Variants in BICDL1 observed in about 807,000 individuals in gnomAD.
BICDL1 encodes BICD family-like cargo adapter 1.
A neutral mutation model predicts 76.8 loss-of-function variants in BICDL1; 20 were observed. That is an observed-to-expected ratio of 0.26 (90% CI 0.18 to 0.38). The LOEUF (loss-of-function observed/expected upper bound fraction) is 0.38, where lower values mean the gene tolerates loss of function less well. Ranked by LOEUF, BICDL1 falls within the 10% of genes least tolerant of loss-of-function variation. The pLI is 1.00. For synonymous variants in BICDL1, 383 were observed against 337.1 expected, an observed-to-expected ratio of 1.14 and a Z score of -1.49; for missense variants, 700 against 798.6, an observed-to-expected ratio of 0.88 and a Z score of 1.49.
intron 2 of BICDL1, among the ~76,000 whole-genome samples, chr12:120,016,796 C>T (rs556151341): frequency 4.0e-5 from 6 of 151,572 alleles, no homozygotes; most frequent in South Asian, 2.1e-4. Context: ...ACCAACAATG[C>T]GTGAGAGTTC....
chr12:120,083,309 T>C (rs1874136315), intron 8 of BICDL1, among the ~76,000 whole-genome samples: 1 of 152,098 alleles, frequency 6.6e-6, no homozygotes, highest in Non-Finnish European at 1.5e-5. Flanking sequence ...CAGGCTGTAG[T>C]ATAGTGGCCC....
At chr12:119,996,327 G>A (rs1951644666) in intron 1 of BICDL1, among the ~76,000 whole-genome samples, 1 of 152,118 alleles carries the variant, frequency 6.6e-6, no homozygotes, top group Non-Finnish European at 1.5e-5. Flanking sequence ...TGGGGTTAAT[G>A]ACTTTCAGAA....
intron 1 of BICDL1, among the ~76,000 whole-genome samples, chr12:119,994,051 A>G (rs1043498497): frequency 2.6e-5 from 4 of 152,236 alleles, no homozygotes; most frequent in African/African-American, 7.2e-5. Context: ...ACTTGTATTT[A>G]TACACCTTTT....
rs1233227681 is a variant in BICDL1, at chr12:119,998,598, G to A, written c.507G>A (p.Glu169=). The A allele has an allele frequency of 2.5e-6, 4 of 1,614,020 alleles. No individual in the cohort carries two copies. The highest frequency in any genetic ancestry group is 8.5e-7 in the Non-Finnish European group (1 of 1,180,032). Residue 169 remains glutamate, a synonymous_variant, in exon 2 of 10, where the codon GAG becomes GAA. Transcript: ENST00000548673. ...REGEWEGRVS[E]LESDVKQLQD... ...GGGAGTGGGAAGGCCGAGTGTCAGA[G>A]CTGGAGAGTGATGTGAAGCAGCTAC...
intron 2 of BICDL1, among the ~76,000 whole-genome samples, chr12:120,024,154 G>A (rs146854058): frequency 2.6e-5 from 4 of 151,718 alleles, no homozygotes; most frequent in Non-Finnish European, 4.4e-5. Context: ...GGTGGTGCAC[G>A]CTTGTAATCC....
rs1326571186 is a variant in BICDL1 at position 120,070,716 on chromosome 12, G to A, written c.910-906G>A. On this transcript the variant is annotated intron_variant, in intron 4 of 9. Transcript: ENST00000548673. ...AGATTAAAATGGGCCTACATAGTGC[G>A]ATTGGTTGGTATAACTCTTTTTTTT... Among the ~76,000 whole-genome samples the A allele has an allele frequency of 5.9e-5, 9 of 151,416 alleles. No homozygotes were observed. The East Asian group carries it at 1.7e-3, about 29-fold the overall frequency.
Position 120,074,592 on chromosome 12 carries a change from C to T in BICDL1, c.1452+6C>T. 8.2e-7 allele frequency: 1 copy of T among 1,214,034 alleles called. No homozygotes were observed. Among genetic ancestry groups the T allele is most frequent in the Non-Finnish European group, 1.1e-6 (1 of 952,016 alleles). The allele number at this position is 1,214,034 out of a possible 1,614,324, so 75.2% of individuals were successfully genotyped here. A position where few individuals can be genotyped will look rare whatever the true frequency, so the allele number is the denominator to read the frequency against. On this transcript the variant is annotated splice_donor_region_variant and intron_variant, in intron 7 of 9. Coordinates refer to ENST00000548673, the MANE Select transcript of BICDL1 (RefSeq NM_001367886.1). Reference sequence around the variant, plus strand: ...TGCAGCGACTCCACAGTCAGGTGAGCACCCCAACCTTCAGTTCAGTGCAGG... The same window carrying T: ...TGCAGCGACTCCACAGTCAGGTGAGTACCCCAACCTTCAGTTCAGTGCAGG...
chr12:119,994,508 G>T (rs1234116004), intron 1 of BICDL1, among the ~76,000 whole-genome samples: 2 of 148,310 alleles, frequency 1.3e-5, no homozygotes, highest in Non-Finnish European at 3.0e-5. Flanking sequence ...TTTTTTTTTC[G>T]AGACGGAGTC....
chr12:120,020,820 G>T (rs545675074), intron 2 of BICDL1, among the ~76,000 whole-genome samples: 56 of 152,308 alleles, frequency 3.7e-4, no homozygotes, highest in Middle Eastern at 3.4e-3. Flanking sequence ...CATCATGAAT[G>T]GTGGGGACAA....
chr12:119,990,112 T>TA lies in BICDL1; in HGVS notation c.244_245insA (p.Ser82TyrfsTer37). 6.5e-7 allele frequency: 1 copy of TA among 1,548,922 alleles called. No individual in the cohort carries two copies. Among genetic ancestry groups the TA allele is most frequent in the Non-Finnish European group, 8.7e-7 (1 of 1,146,678 alleles). On this transcript the variant is annotated frameshift_variant, in exon 1 of 10. Coordinates refer to ENST00000548673, the MANE Select transcript of BICDL1 (RefSeq NM_001367886.1). LOFTEE classifies it high-confidence loss of function. ...GGAACACCCTCAGGCCGAGCCTGGGTCTCTGGCCGAGGGGGCCGGACCGCA... is the reference window on the plus strand; with the variant it reads ...GGAACACCCTCAGGCCGAGCCTGGGTACTCTGGCCGAGGGGGCCGGACCGCA...
intron 2 of BICDL1, among the ~76,000 whole-genome samples, chr12:120,017,731 G>GA (rs111595033): frequency 6.4e-4 from 94 of 146,494 alleles, no homozygotes; most frequent in Middle Eastern, 3.5e-3. Flanking sequence ...GACCCTGCCT[G>GA]AAAAAAAAAA....
rs1174201183 is a variant in BICDL1 at position 119,989,727 on chromosome 12, C to A, written c.-142C>A. 2.8e-5 allele frequency: 5 copies of A among 180,820 alleles called. No homozygotes were observed. The highest frequency in any genetic ancestry group is 1.8e-4 in the South Asian group (1 of 5,460). 11.2% of individuals were successfully genotyped at this position (180,820 alleles called of 1,614,324 possible). ...GGGGCGGGCCGGCGCGCGCCGCGCC[C>A]AGGGCTCGCGGGGACCCGGGGGCGC... On this transcript the variant is annotated 5_prime_UTR_variant, in exon 1 of 10. Coordinates refer to ENST00000548673, the MANE Select transcript of BICDL1 (RefSeq NM_001367886.1).
intron 2 of BICDL1, among the ~76,000 whole-genome samples, chr12:120,031,435 AC>A (rs1442059808): frequency 6.6e-6 from 1 of 151,836 alleles, no homozygotes; most frequent in Non-Finnish European, 1.5e-5. Flanking sequence ...CCATCTCCTG[AC>A]CTCGTGATCT....
In BICDL1 at chr12:120,071,563, TCA is replaced by T; in HGVS notation, c.910-58_910-57del. ...TCCAGAAGCATGATCAGGTTGAGGG[TCA>T]GTTTGTCTTGGTTTTTGTGTTTGGT... On this transcript the variant is annotated intron_variant, in intron 4 of 9. Coordinates refer to ENST00000548673, the MANE Select transcript of BICDL1 (RefSeq NM_001367886.1). The surrounding 1 kb of genome is among the most constrained non-coding windows in gnomAD (Gnocchi z 4.8). 1 of 1,533,838 alleles carries T rather than the reference TCA, an allele frequency of 6.5e-7. No homozygotes were observed. Among genetic ancestry groups the T allele is most frequent in the Non-Finnish European group, 8.8e-7 (1 of 1,140,696 alleles).
intron 6 of BICDL1, among the ~76,000 whole-genome samples, chr12:120,073,638 A>G (rs1873290484): frequency 6.6e-6 from 1 of 152,132 alleles, no homozygotes; most frequent in Non-Finnish European, 1.5e-5. Context: ...TCACGCTCCC[A>G]GCTTTTTGGC....
rs150219441 is a variant in BICDL1 at position 120,017,151 on chromosome 12, C to G, written c.645+18415C>G. Among the ~76,000 whole-genome samples, 602 of 152,334 alleles carry G rather than the reference C, an allele frequency of 4.0e-3. 6 individuals carry two copies. The highest frequency in any genetic ancestry group is 0.014 in the African/African-American group (573 of 41,574). ...GACCTTGTGATCCGCCTGCCCTGGC[C>G]TCCCAAAGTGCTGGAATTACAGGCG... On this transcript the variant is annotated intron_variant, in intron 2 of 9. Transcript: ENST00000548673.
chr12:120,002,129 C>T (rs896016056), intron 2 of BICDL1, among the ~76,000 whole-genome samples: 1 of 152,158 alleles, frequency 6.6e-6, no homozygotes, highest in Non-Finnish European at 1.5e-5. Flanking sequence ...ACATGTCACC[C>T]TCCGCAAAAG....
chr12:120,014,286 C>T (rs1211698976), intron 2 of BICDL1, among the ~76,000 whole-genome samples: 1 of 152,220 alleles, frequency 6.6e-6, no homozygotes, highest in Non-Finnish European at 1.5e-5. Context: ...GCCTTGCATT[C>T]TGCTTAGTAT....
chr12:120,008,526 C>T (rs1951893503), intron 2 of BICDL1, among the ~76,000 whole-genome samples: 1 of 152,102 alleles, frequency 6.6e-6, no homozygotes, highest in Admixed American at 6.5e-5. Context: ...TTGCTCAAGG[C>T]CTTGCAAAGG....
Sources: gnomAD v4.1 joint callset for allele counts (sites outside exome capture counted in the v4.1 genomes callset) on GRCh38, gnomAD v4.1.1 for gene constraint, Gnocchi (gnomAD v3.1) non-coding constraint, MANE v1.5 for transcripts, NCBI Gene and HGNC (gene_info 2026-07-23, HGNC 2026-07-21) for gene names.